Variants in PCSK5 observed in about 807,000 individuals in gnomAD.
PCSK5 encodes the protein proprotein convertase subtilisin/kexin type 5, also known as prohormone convertase 5.
In PCSK5, 129 loss-of-function variants were observed where a neutral mutation model predicts 233.2. The observed-to-expected ratio is 0.55, with a 90% CI of 0.48 to 0.64. The LOEUF (loss-of-function observed/expected upper bound fraction) is 0.64, where lower values mean the gene tolerates loss of function less well. PCSK5 is among the 30% of genes least tolerant of loss of function. PCSK5 has a pLI of 0.00. For synonymous variants in PCSK5, 825 were observed against 879.2 expected (o/e 0.94, Z 1.09); for missense variants, 2,076 against 2,430.1 (o/e 0.85, Z 3.06).
chr9:76,298,001 G>T (rs1318761070), intron 27 of PCSK5, among the ~76,000 whole-genome samples: 1 of 152,144 alleles, frequency 6.6e-6, no homozygotes, highest in Non-Finnish European at 1.5e-5. Flanking sequence ...ATCCAGATTG[G>T]GCTATCTTCT....
intron 3 of PCSK5, among the ~76,000 whole-genome samples, chr9:76,020,729 T>C (rs982028619): frequency 3.9e-5 from 6 of 152,234 alleles, no homozygotes; most frequent in Non-Finnish European, 7.3e-5. Context: ...ATGTTTTCCG[T>C]AGACGGCTGG....
chr9:76,046,852 G>A (rs4745489), intron 5 of PCSK5, among the ~76,000 whole-genome samples: 24,351 of 151,774 alleles, frequency 0.16, 2,486 homozygotes, highest in East Asian at 0.47. Context: ...GAGCCACCGC[G>A]CCCGGCCAAC....
chr9:76,345,328 G>A (rs1234377330), intron 35 of PCSK5, among the ~76,000 whole-genome samples: 1 of 152,018 alleles, frequency 6.6e-6, no homozygotes, highest in African/African-American at 2.4e-5. Flanking sequence ...CGCCTGCCGG[G>A]TTCAAGGGAT....
intron 24 of PCSK5, among the ~76,000 whole-genome samples, chr9:76,257,058 C>T (rs528366546): frequency 2.6e-5 from 4 of 152,322 alleles, no homozygotes; most frequent in East Asian, 1.9e-4. Context: ...TTTCTCTCTA[C>T]GTTCACCCTT....
At chr9:76,036,805 A>G (rs920687814) in intron 5 of PCSK5, among the ~76,000 whole-genome samples, 1 of 152,240 alleles carries the variant, frequency 6.6e-6, no homozygotes, top group African/African-American at 2.4e-5. Context: ...AACTAAATTA[A>G]TTGGTGGTCA....
At chr9:76,135,530 G>A (rs112671837) in intron 10 of PCSK5, among the ~76,000 whole-genome samples, 14 of 152,138 alleles carry the variant, frequency 9.2e-5, no homozygotes, top group African/African-American at 2.4e-4. Context: ...GTAAATACCC[G>A]TTGGCATTGC....
Position 75,891,053 on chromosome 9 carries a change from C to T in PCSK5, c.-129C>T, listed in dbSNP as rs1234514370. On this transcript the variant is annotated 5_prime_UTR_variant, in exon 1 of 38. Coordinates refer to ENST00000674117, the MANE Select transcript of PCSK5 (RefSeq NM_001372043.1). Reference sequence around the variant, plus strand: ...CCGGGGCTAGCCGCCTCCTGCCGATCGCCCGGGGCTGCGAGCTGCGGCGGC... The same window carrying T: ...CCGGGGCTAGCCGCCTCCTGCCGATTGCCCGGGGCTGCGAGCTGCGGCGGC... 1.3e-6 allele frequency: 1 copy of T among 741,268 alleles called. No homozygotes were observed. Among genetic ancestry groups the T allele is most frequent in the African/African-American group, 1.8e-5 (1 of 54,640 alleles). 45.9% of individuals were successfully genotyped at this position (741,268 alleles called of 1,614,324 possible).
At chr9:76,177,027 C>T (rs762844896) in intron 14 of PCSK5, among the ~76,000 whole-genome samples, 3 of 152,178 alleles carry the variant, frequency 2.0e-5, no homozygotes, top group Non-Finnish European at 2.9e-5. Flanking sequence ...CGGTGGCCCA[C>T]GCCTGTAATC....
At chr9:76,164,616 A>G (rs559961787) in intron 12 of PCSK5, among the ~76,000 whole-genome samples, 39 of 152,314 alleles carry the variant, frequency 2.6e-4, no homozygotes, top group African/African-American at 9.1e-4. Flanking sequence ...GTGCATTTCT[A>G]ATAAGCTCCC....
At chr9:75,907,427 G>A (rs886806887) in intron 1 of PCSK5, among the ~76,000 whole-genome samples, 2 of 152,156 alleles carry the variant, frequency 1.3e-5, no homozygotes, top group African/African-American at 4.8e-5. Flanking sequence ...ATGGTAAAAA[G>A]CAGTGTTCTA....
chr9:76,182,253 T>A (rs1162210740), intron 16 of PCSK5, among the ~76,000 whole-genome samples: 1 of 152,196 alleles, frequency 6.6e-6, no homozygotes, highest in Non-Finnish European at 1.5e-5. Context: ...TTCTGCATAC[T>A]GACCAAATAG....
chr9:76,065,405 A>G (rs568277075), intron 5 of PCSK5, among the ~76,000 whole-genome samples: 1 of 152,168 alleles, frequency 6.6e-6, no homozygotes, highest in Admixed American at 6.5e-5. Flanking sequence ...CATTTCCCAG[A>G]TGATTAGTGA....
rs1399590429 is a variant in PCSK5 at position 75,891,554 on chromosome 9, CA to C, written c.192+182del. 8.0e-4 allele frequency among the ~76,000 whole-genome samples: 121 copies of C among 152,144 alleles called. 1 individual carries two copies. In the East Asian group the frequency reaches 0.018, roughly 23 times the overall value. On this transcript the variant is annotated intron_variant, in intron 1 of 37. Coordinates refer to ENST00000674117, the MANE Select transcript of PCSK5 (RefSeq NM_001372043.1). ...ACGCACACACACACACACACACACA[CA>C]CACACACACCCCAGAGTTGCCGGGT...
chr9:76,116,858 G>A (rs376767111), intron 9 of PCSK5, among the ~76,000 whole-genome samples: 1 of 152,034 alleles, frequency 6.6e-6, no homozygotes, highest in South Asian at 2.1e-4. Context: ...ACGGGACATG[G>A]TTAATTACAA....
intron 20 of PCSK5, among the ~76,000 whole-genome samples, chr9:76,202,814 T>A (rs1824967554): frequency 6.6e-6 from 1 of 152,216 alleles, no homozygotes; most frequent in African/African-American, 2.4e-5. Flanking sequence ...ATCTAGTTAC[T>A]TGTAGGAATA....
chr9:75,992,389 C>T (rs1826806886), intron 3 of PCSK5, among the ~76,000 whole-genome samples: 1 of 151,948 alleles, frequency 6.6e-6, no homozygotes, highest in East Asian at 1.9e-4. Context: ...TTGCATAGTC[C>T]CAAGATGACA....
chr9:75,897,343 C>T lies in PCSK5; in HGVS notation c.192+5970C>T, dbSNP rs1825848727. Among the ~76,000 whole-genome samples the T allele has an allele frequency of 2.0e-5, 3 of 151,928 alleles. No individual in the cohort carries two copies. The South Asian group carries it at 6.2e-4, about 32-fold the overall frequency. ...CTCCCATAGGATGATGTGATAGCTA[C>T]ACTTTTCCCCCAAGAGCCATGGAGA... is the stretch of plus-strand genomic sequence containing the variant. On this transcript the variant is annotated intron_variant, in intron 1 of 37. Coordinates refer to ENST00000674117, the MANE Select transcript of PCSK5 (RefSeq NM_001372043.1).
Position 76,358,576 on chromosome 9 carries a change from T to C in PCSK5, c.5318T>C (p.Phe1773Ser). 1 of 1,612,804 alleles carries C rather than the reference T, an allele frequency of 6.2e-7. No individual in the cohort carries two copies. ...ACTGAGCATTTCAAGACAGCTCTGT[T>C]CATCACCTCCTCCATGATGCTGGTG... ...PATEHFKTALFITSSMMLVLL... is the reference protein window; with the variant it reads ...PATEHFKTALSITSSMMLVLL... The change falls in exon 38 of 38, where the codon TTC becomes TCC. Residue 1773 changes from phenylalanine (F) to serine (S), a missense_variant. By Grantham distance (155) the Phe-to-Ser change is radical (BLOSUM62 -2). This residue lies in a region of PCSK5 where 1,510 missense variants were observed against 1,538.1 expected (regional missense o/e 0.98). Transcript: ENST00000674117.
At position 75,981,341 on chromosome 9, in the gene PCSK5, C is replaced by T. The variant is rs142642571; in HGVS notation, c.298-4791C>T. On this transcript the variant is annotated intron_variant, in intron 2 of 37. Coordinates refer to ENST00000674117, the MANE Select transcript of PCSK5 (RefSeq NM_001372043.1). ...CCCTCATTTTACAGATAAAAGAGGC[C>T]CACAAAGTTTTTTGCAAGATCACAT... Among the ~76,000 whole-genome samples, 72 of 152,136 alleles carry T rather than the reference C, an allele frequency of 4.7e-4. 1 individual carries two copies. Among genetic ancestry groups the T allele is most frequent in the Middle Eastern group, 3.4e-3 (1 of 294 alleles).
Sources: allele counts gnomAD v4.1 joint callset (sites outside exome capture counted in the v4.1 genomes callset), GRCh38; gene constraint gnomAD v4.1.1; regional missense constraint gnomAD v4.1.1; transcripts MANE v1.5; gene names NCBI Gene and HGNC (gene_info 2026-07-23, HGNC 2026-07-21).